Variants in TLK2 observed in about 807,000 individuals in gnomAD.
TLK2 encodes the protein tousled like kinase 2, also known as serine/threonine-protein kinase tousled-like 2.
In TLK2, 6 loss-of-function variants were observed where a neutral mutation model predicts 117.3. The ratio of observed to expected loss-of-function variants is 0.05; its 90% CI spans 0.03 to 0.10. The LOEUF is 0.10. TLK2 is among the 10% of genes least tolerant of loss of function. The pLI is 1.00. For synonymous variants in TLK2, 257 were observed against 316.7 expected (o/e 0.81, Z 2.00); for missense variants, 299 against 901.2 (o/e 0.33, Z 8.56).
chr17:62,544,175 C>T (rs2077737924), intron 7 of TLK2, among the ~76,000 whole-genome samples: 1 of 152,172 alleles, frequency 6.6e-6, no homozygotes, highest in Non-Finnish European at 1.5e-5. Context: ...AAATCTGCTC[C>T]ATCTATATCT....
Position 62,614,444 on chromosome 17 carries a change from G to A in TLK2, c.*1879G>A, listed in dbSNP as rs2083994234. 1 of 152,096 alleles carries A rather than the reference G, an allele frequency of 6.6e-6. No homozygotes were observed. The highest frequency in any genetic ancestry group is 2.4e-5 in the African/African-American group (1 of 41,434). The allele number at this position is 152,096 out of a possible 1,614,324, so 9.4% of individuals were successfully genotyped here. On this transcript the variant is annotated 3_prime_UTR_variant, in exon 22 of 22. Transcript: ENST00000346027. The stretch of plus-strand genomic sequence containing the variant: ...CTGGGCAGGGAGGGGGAGTCAGAAA[G>A]GGTAGAGAGCTCTCAAATAACTCAT...
At position 62,614,530 on chromosome 17, in the gene TLK2, C is replaced by T. The variant is rs978658348; in HGVS notation, c.*1965C>T. On this transcript the variant is annotated 3_prime_UTR_variant, in exon 22 of 22. Coordinates refer to ENST00000346027, the MANE Select transcript of TLK2 (RefSeq NM_006852.6). ...CTGATGACACATTTTCTAGGACCTT[C>T]GTTTGTTTTGTGGACCTGCCTCAGT... 1 of 152,080 alleles carries T rather than the reference C, an allele frequency of 6.6e-6. No homozygotes were observed. The highest frequency in any genetic ancestry group is 2.4e-5 in the African/African-American group (1 of 41,398). The allele number at this position is 152,080 out of a possible 1,614,324, so 9.4% of individuals were successfully genotyped here. A position where few individuals can be genotyped will look rare whatever the true frequency, so the allele number is the denominator to read the frequency against.
rs779126513 is a variant in TLK2, at chr17:62,481,078, A to G, written c.-5-43A>G. ...GTTCTACAGAAAATTGCCTCCTCAC[A>G]TTTTAGTGTTTATGGTTTCACAGCC... is the stretch of plus-strand genomic sequence containing the variant. On this transcript the variant is annotated intron_variant, in intron 1 of 21. Coordinates refer to ENST00000346027, the MANE Select transcript of TLK2 (RefSeq NM_006852.6). 3.1e-6 allele frequency: 5 copies of G among 1,599,068 alleles called. No homozygotes were observed. The South Asian group carries it at 3.3e-5, about 11-fold the overall frequency.
chr17:62,533,384 G>GTGTGTC (rs1423509837), intron 6 of TLK2, among the ~76,000 whole-genome samples: 1 of 144,304 alleles, frequency 6.9e-6, no homozygotes, highest in Non-Finnish European at 1.5e-5. Flanking sequence ...GTGTGTGTGT[G>GTGTGTC]TGTGTGTCTG....
rs148575620 is a variant in TLK2 at position 62,493,842 on chromosome 17, C to T, written c.81+12636C>T. Among the ~76,000 whole-genome samples the T allele has an allele frequency of 5.2e-3, 790 of 152,192 alleles. 5 individuals are homozygous for T. Among genetic ancestry groups the T allele is most frequent in the African/African-American group, 0.018 (752 of 41,506 alleles). On this transcript the variant is annotated intron_variant, in intron 2 of 21. Transcript: ENST00000346027. ...GCACAACCTTGGCTCACTGCAACCT[C>T]CGCCTCCTGGGTTCAAGTGATTCTT...
At chr17:62,485,568 T>C (rs1469229056) in intron 2 of TLK2, among the ~76,000 whole-genome samples, 1 of 152,220 alleles carries the variant, frequency 6.6e-6, no homozygotes, top group African/African-American at 2.4e-5. Context: ...TTTCTCAGCA[T>C]ATTTACTTCA....
intron 17 of TLK2, among the ~76,000 whole-genome samples, chr17:62,597,582 A>G (rs2082572820): frequency 6.6e-6 from 1 of 152,128 alleles, no homozygotes; most frequent in Non-Finnish European, 1.5e-5. Flanking sequence ...TGGCCGTGTG[A>G]TTTTATCCTA....
intron 15 of TLK2, among the ~76,000 whole-genome samples, chr17:62,585,313 C>T (rs34193647): frequency 3.9e-5 from 6 of 152,306 alleles, no homozygotes; most frequent in South Asian, 2.1e-4. Flanking sequence ...GAGGCCGAAG[C>T]GGGGCGGATC....
At chr17:62,512,403 A>T (rs971838897) in intron 2 of TLK2, among the ~76,000 whole-genome samples, 1 of 151,334 alleles carries the variant, frequency 6.6e-6, no homozygotes, top group African/African-American at 2.4e-5. Context: ...TGTATTTTTC[A>T]GTAGAGACGG....
intron 7 of TLK2, among the ~76,000 whole-genome samples, chr17:62,546,386 CAG>C (rs2077942519): frequency 1.8e-5 from 1 of 56,708 alleles, no homozygotes; most frequent in Non-Finnish European, 3.5e-5. Context: ...TTTTTTATTT[CAG>C]AGAAATTTTG....
At chr17:62,533,623 T>C (rs1598420307) in intron 6 of TLK2, among the ~76,000 whole-genome samples, 1 of 151,924 alleles carries the variant, frequency 6.6e-6, no homozygotes, top group South Asian at 2.1e-4. Flanking sequence ...ACTACAGGCA[T>C]GTGCCACCAT....
At position 62,502,029 on chromosome 17, in the gene TLK2, ATTT is replaced by A. The variant is rs371212708; in HGVS notation, c.82-18729_82-18727del. On this transcript the variant is annotated intron_variant, in intron 2 of 21. Transcript: ENST00000346027. The stretch of plus-strand genomic sequence containing the variant: ...TCAAACATTTAAGGAAAAAATACCA[ATTT>A]TTTTTTTTTTTTTTACAAATTTCAC... 2.2e-3 allele frequency among the ~76,000 whole-genome samples: 309 copies of A among 137,470 alleles called. 2 individuals are homozygous for A. The highest frequency in any genetic ancestry group is 8.0e-3 in the African/African-American group (294 of 36,662). 90.2% of individuals were successfully genotyped at this position (137,470 alleles called of 152,430 possible).
intron 21 of TLK2, among the ~76,000 whole-genome samples, chr17:62,611,050 A>G (rs1451278515): frequency 6.6e-6 from 1 of 152,098 alleles, no homozygotes; most frequent in East Asian, 1.9e-4. Context: ...GAGGTAGAGG[A>G]TCACTTGAGC....
intron 11 of TLK2, among the ~76,000 whole-genome samples, chr17:62,569,891 GAGTCTGAA>G (rs1555642345): frequency 2.0e-5 from 3 of 152,098 alleles, no homozygotes; most frequent in Non-Finnish European, 4.4e-5. Context: ...CACACTTCAG[GAGTCTGAA>G]AGTCTGAAAT....
chr17:62,610,353 G>A (rs1470586455), intron 21 of TLK2, among the ~76,000 whole-genome samples: 8 of 152,264 alleles, frequency 5.3e-5, no homozygotes, highest in Admixed American at 6.5e-5. Flanking sequence ...ACACTATTCC[G>A]GGTAGTGGAG....
chr17:62,552,254 A>G (rs1332221014), intron 7 of TLK2, 48 bp from the exon 8 acceptor site: 1 of 1,485,788 alleles, frequency 6.7e-7, no homozygotes, highest in Non-Finnish European at 9.2e-7. Flanking sequence ...GTGTTTGTGG[A>G]AAAAGATGCC....
At chr17:62,554,371 T>C (rs2146240196) in intron 9 of TLK2, among the ~76,000 whole-genome samples, 1 of 152,134 alleles carries the variant, frequency 6.6e-6, no homozygotes, top group East Asian at 1.9e-4. Context: ...GGTCAGGAGT[T>C]TGGGACCACC....
At chr17:62,548,240 A>ATATATGTGTGTGTG (rs368516607) in intron 7 of TLK2, among the ~76,000 whole-genome samples, 3 of 121,232 alleles carry the variant, frequency 2.5e-5, no homozygotes, top group East Asian at 2.5e-4. Context: ...ATATATATAT[A>ATATATGTGTGTGTG]TGTGTGTGTG....
rs2083436681 is a variant in TLK2 at position 62,607,920 on chromosome 17, A to ACAATTCCTT, written c.1972-121_1972-120insCAATTCCTT. 6.6e-6 allele frequency: 5 copies of ACAATTCCTT among 759,172 alleles called. No homozygotes were observed. The Admixed American group carries it at 9.0e-5, about 14-fold the overall frequency. 47.0% of individuals were successfully genotyped at this position (759,172 alleles called of 1,614,324 possible). On this transcript the variant is annotated intron_variant, in intron 20 of 21. Transcript: ENST00000346027. ...GAGAACTAGAGGGGATTGTCTCCAGAGTTCCTTGCAGCAATTCAAATTAGA... is the reference window on the plus strand; with the variant it reads ...GAGAACTAGAGGGGATTGTCTCCAGACAATTCCTTGTTCCTTGCAGCAATTCAAATTAGA...
Sources: gnomAD v4.1 joint callset for allele counts (sites outside exome capture counted in the v4.1 genomes callset) on GRCh38, gnomAD v4.1.1 for gene constraint, MANE v1.5 for transcripts, NCBI Gene and HGNC (gene_info 2026-07-23, HGNC 2026-07-21) for gene names.